Variants in SLX4IP observed in about 807,000 individuals in gnomAD.
The protein encoded by SLX4IP is protein SLX4IP.
Under a neutral mutation model 32.9 loss-of-function variants are expected in SLX4IP, and 34 were observed. That is an observed-to-expected ratio of 1.03 (90% CI 0.79 to 1.38). The LOEUF (loss-of-function observed/expected upper bound fraction) is 1.38. Among genes scored for constraint, SLX4IP ranks in the 40% most tolerant of loss-of-function variants. The pLI is 0.00. For missense variants in SLX4IP, 444 were observed against 479.0 expected (o/e 0.93, Z 0.68); for synonymous variants, 172 against 171.7 (o/e 1.00, Z -0.01).
intron 2 of SLX4IP, among the ~76,000 whole-genome samples, chr20:10,468,763 T>C (rs2065400547): frequency 6.6e-6 from 1 of 152,248 alleles, no homozygotes; most frequent in Admixed American, 6.5e-5. Flanking sequence ...TTGACTGTTA[T>C]GTGCAGTTTA....
chr20:10,560,841 T>C (rs370701195), intron 4 of SLX4IP, 21 bp downstream of exon 4: 4 of 1,544,146 alleles, frequency 2.6e-6, no homozygotes. Flanking sequence ...AGCACTTTGA[T>C]TTTGGACAAA....
At chr20:10,528,449 A>G (rs539831919) in intron 2 of SLX4IP, among the ~76,000 whole-genome samples, 1 of 152,208 alleles carries the variant, frequency 6.6e-6, no homozygotes, top group South Asian at 2.1e-4. Context: ...TTTATCTGAT[A>G]CTCATGAGTA....
chr20:10,446,085 C>A (rs1327068265), intron 1 of SLX4IP, among the ~76,000 whole-genome samples: 1 of 151,782 alleles, frequency 6.6e-6, no homozygotes, highest in Non-Finnish European at 1.5e-5. Context: ...TGAAGGATGT[C>A]TGGGTTGTTT....
Position 10,601,847 on chromosome 20 carries a change from A to G in SLX4IP, c.405+28A>G, listed in dbSNP as rs762102041. 1.9e-6 allele frequency: 3 copies of G among 1,578,942 alleles called. No homozygotes were observed. In the South Asian group the frequency reaches 3.3e-5, roughly 18 times the overall value. ...GAGTATGAAAAAATTCTATAAACAA[A>G]TAAGTCTGCTTAAATGCTGAGTTAC... On this transcript the variant is annotated intron_variant, in intron 6 of 7. Coordinates refer to ENST00000334534, the MANE Select transcript of SLX4IP (RefSeq NM_001009608.3).
At chr20:10,470,269 G>A (rs2065413818) in intron 2 of SLX4IP, among the ~76,000 whole-genome samples, 1 of 152,142 alleles carries the variant, frequency 6.6e-6, no homozygotes. Context: ...AGAAAGTGAG[G>A]GATGGGGTAG....
At chr20:10,517,880 A>T (rs2122441180) in intron 2 of SLX4IP, among the ~76,000 whole-genome samples, 1 of 152,324 alleles carries the variant, frequency 6.6e-6, no homozygotes, top group South Asian at 2.1e-4. Context: ...TGCTATATAC[A>T]AGTTCCTTCC....
intron 4 of SLX4IP, among the ~76,000 whole-genome samples, chr20:10,583,489 G>A (rs1172594019): frequency 6.6e-6 from 1 of 152,120 alleles, no homozygotes. Flanking sequence ...ATTTAAGAAA[G>A]CGGGTCAAAT....
intron 2 of SLX4IP, among the ~76,000 whole-genome samples, chr20:10,490,503 A>C (rs559060088): frequency 2.0e-5 from 3 of 152,200 alleles, no homozygotes; most frequent in Non-Finnish European, 2.9e-5. Context: ...GTCTCATAGA[A>C]CCTTCTGACC....
intron 6 of SLX4IP, among the ~76,000 whole-genome samples, chr20:10,611,053 C>T (rs2066961442): frequency 6.6e-6 from 1 of 152,134 alleles, no homozygotes; most frequent in African/African-American, 2.4e-5. Context: ...GCTGATGCTC[C>T]TGAAAATCAT....
intron 2 of SLX4IP, among the ~76,000 whole-genome samples, chr20:10,465,075 G>C (rs4813936): frequency 0.41 from 62,356 of 151,950 alleles, 14,660 homozygotes; most frequent in Non-Finnish European, 0.54. Flanking sequence ...TAGACTTCTG[G>C]GCTACTGCAG....
chr20:10,588,852 G>A (rs1177900767), intron 4 of SLX4IP, among the ~76,000 whole-genome samples: 2 of 152,112 alleles, frequency 1.3e-5, no homozygotes, highest in Admixed American at 6.6e-5. Context: ...TAAGTTCTGG[G>A]GAATCTAATG....
chr20:10,496,305 A>G (rs1463790198), intron 2 of SLX4IP, among the ~76,000 whole-genome samples: 1 of 152,138 alleles, frequency 6.6e-6, no homozygotes, highest in Admixed American at 6.6e-5. Context: ...TCTCCTAGCT[A>G]GCCCTTTATT....
chr20:10,477,173 T>C (rs968447822), intron 2 of SLX4IP, among the ~76,000 whole-genome samples: 5 of 152,070 alleles, frequency 3.3e-5, no homozygotes, highest in African/African-American at 9.7e-5. Flanking sequence ...GAATTCTCTT[T>C]TTTTTTTGAG....
intron 1 of SLX4IP, among the ~76,000 whole-genome samples, chr20:10,452,386 C>T (rs577248560): frequency 1.3e-4 from 20 of 152,004 alleles, no homozygotes; most frequent in Admixed American, 4.6e-4. Flanking sequence ...TAAAAATAGG[C>T]TGGGCGCAGT....
At chr20:10,444,619 G>T (rs60748369) in intron 1 of SLX4IP, among the ~76,000 whole-genome samples, 1 of 151,858 alleles carries the variant, frequency 6.6e-6, no homozygotes, top group East Asian at 1.9e-4. Flanking sequence ...CTCGTGATCC[G>T]CCCGCCTCAG....
chr20:10,528,948 A>G, intron 2 of SLX4IP, among the ~76,000 whole-genome samples: 1 of 152,354 alleles, frequency 6.6e-6, no homozygotes, highest in African/African-American at 2.4e-5. Context: ...GCTTTCCTTT[A>G]TGCACGTGAC....
intron 2 of SLX4IP, among the ~76,000 whole-genome samples, chr20:10,496,715 G>A (rs539846589): frequency 6.6e-6 from 1 of 151,936 alleles, no homozygotes; most frequent in East Asian, 1.9e-4. Context: ...TGTCAGAAAA[G>A]CAAAGACTTC....
chr20:10,504,703 T>C (rs903674035), intron 2 of SLX4IP, among the ~76,000 whole-genome samples: 2 of 152,174 alleles, frequency 1.3e-5, no homozygotes, highest in Non-Finnish European at 2.9e-5. Flanking sequence ...TGTGGGATTT[T>C]TCTGGCCAGA....
chr20:10,466,660 T>C (rs1047133284), intron 2 of SLX4IP, among the ~76,000 whole-genome samples: 2 of 152,134 alleles, frequency 1.3e-5, no homozygotes, highest in African/African-American at 4.8e-5. Flanking sequence ...GAATGTGTAA[T>C]GATCCCCTCC....
Sources: gnomAD v4.1 joint callset for allele counts (sites outside exome capture counted in the v4.1 genomes callset) on GRCh38, gnomAD v4.1.1 for gene constraint, MANE v1.5 for transcripts, NCBI Gene and HGNC (gene_info 2026-07-23, HGNC 2026-07-21) for gene names.